The following ADAR variants were observed in gnomAD, a reference collection of about 807,000 sequenced individuals.
ADAR encodes double-stranded RNA-specific adenosine deaminase.
A neutral mutation model predicts 113.2 loss-of-function variants in ADAR; 41 were observed. The observed-to-expected ratio is 0.36, with a 90% CI of 0.28 to 0.47. ADAR has a LOEUF of 0.47. ADAR is among the 20% of genes least tolerant of loss of function. The pLI, the probability that ADAR is intolerant of heterozygous loss-of-function variation, is 1.00. For missense variants in ADAR, 1,242 were observed against 1,540.9 expected, an observed-to-expected ratio of 0.81 and a Z score of 3.25; for synonymous variants, 605 against 572.6, an observed-to-expected ratio of 1.06 and a Z score of -0.81.
At chr1:154,596,711 T>C in intron 6 of ADAR, 94 bp downstream of exon 6, 1 of 1,464,910 alleles carries the variant, frequency 6.8e-7, no homozygotes, top group East Asian at 2.3e-5. Flanking sequence ...TCGCCCCTTC[T>C]GTCCTACACA....
Position 154,590,148 on chromosome 1 carries a change from C to T in ADAR, c.2496+36G>A. On this transcript the variant is annotated intron_variant, in intron 7 of 14. Coordinates refer to ENST00000368474, the MANE Select transcript of ADAR (RefSeq NM_001111.5). ...CACTTAGGAGTTAGGAGGACCCCCC[C>T]GCCCCAAAAAAGGCACCAAAAGTAG... The T allele has an allele frequency of 7.7e-6, 7 of 909,956 alleles. 1 individual carries two copies. The highest frequency in any genetic ancestry group is 1.2e-5 in the Non-Finnish European group (7 of 576,022). The allele number at this position is 909,956 out of a possible 1,614,324, so 56.4% of individuals were successfully genotyped here.
chr1:154,623,317 G>T (rs1698843810), intron 1 of ADAR, among the ~76,000 whole-genome samples: 1 of 152,166 alleles, frequency 6.6e-6, no homozygotes, highest in Admixed American at 6.5e-5. Context: ...GGTACAGAAA[G>T]GACGGAGAGC....
At chr1:154,599,811 G>T (rs1347866209) in intron 2 of ADAR, among the ~76,000 whole-genome samples, 2 of 152,234 alleles carry the variant, frequency 1.3e-5, no homozygotes, top group African/African-American at 4.8e-5. Context: ...TGAGGTAAAG[G>T]CTGACTTCAC....
At chr1:154,605,540 C>A (rs1571121723) in intron 1 of ADAR, among the ~76,000 whole-genome samples, 1 of 151,786 alleles carries the variant, frequency 6.6e-6, no homozygotes, top group African/African-American at 2.4e-5. Context: ...ATATTCCCAA[C>A]ACAGTACTGA....
chr1:154,602,563 A>G lies in ADAR; in HGVS notation c.79T>C (p.Tyr27His), dbSNP rs1469191713. 6.2e-7 allele frequency: 1 copy of G among 1,614,206 alleles called. No homozygotes were observed. The highest frequency in any genetic ancestry group is 1.1e-5 in the South Asian group (1 of 91,084). Residue 27 changes from tyrosine to histidine, a missense_variant, in exon 2 of 15, where the codon TAC becomes CAC. Tyr to His is a moderately conservative substitution (Grantham distance 83). This residue lies in a region of ADAR where 462 missense variants were observed against 483.1 expected (regional missense o/e 0.96). Transcript: ENST00000368474. ...GAAGATCCTGGCCCAGGCTGCTGGTACCTGAGCTGTCTGTGCTCATAGCCT... is the reference window on the plus strand; with the variant it reads ...GAAGATCCTGGCCCAGGCTGCTGGTGCCTGAGCTGTCTGTGCTCATAGCCT... ...FQGYEHRQLR[Y>H]QQPGPGSSPS...
chr1:154,585,437 G>A (rs1035473459), intron 13 of ADAR, 93 bp from the exon 14 acceptor site: 28 of 1,575,818 alleles, frequency 1.8e-5, no homozygotes, highest in Non-Finnish European at 2.3e-5. Flanking sequence ...GAGAGGAAGT[G>A]TGGGGTCATG....
In ADAR at chr1:154,596,787, C is replaced by T. The variant is rs991076316; in HGVS notation, c.2270+18G>A. The T allele has an allele frequency of 1.1e-5, 18 of 1,612,246 alleles. No individual in the cohort carries two copies. The highest frequency in any genetic ancestry group is 1.4e-5 in the Non-Finnish European group (17 of 1,179,972). On this transcript the variant is annotated intron_variant, in intron 6 of 14. Coordinates refer to ENST00000368474, the MANE Select transcript of ADAR (RefSeq NM_001111.5). ...CCCAACTGGTGACACATGCATTAGC[C>T]AGGACTAGGACACTCACTTGGGCTC...
rs1696458567 is a variant in ADAR at position 154,582,368 on chromosome 1, A to G, written c.*2438T>C. The stretch of plus-strand genomic sequence containing the variant: ...ACAAATCAACTACAAAAATCATTAA[A>G]AAGAAGAGTAGGGAGGGTCACTGCT... On this transcript the variant is annotated 3_prime_UTR_variant, in exon 15 of 15. Coordinates refer to ENST00000368474, the MANE Select transcript of ADAR (RefSeq NM_001111.5). The G allele has an allele frequency of 6.6e-6, 1 of 152,238 alleles. No homozygotes were observed. The highest frequency in any genetic ancestry group is 1.5e-5 in the Non-Finnish European group (1 of 68,046). 9.4% of individuals were successfully genotyped at this position (152,238 alleles called of 1,614,324 possible).
rs1696613206 is a variant in ADAR at position 154,584,474 on chromosome 1, A to T, written c.*332T>A. ...AGTGTAGCAAACACAAAGGGAAAGGAAATGGAAACAAATCAAAACAAAACT... is the reference window on the plus strand; with the variant it reads ...AGTGTAGCAAACACAAAGGGAAAGGTAATGGAAACAAATCAAAACAAAACT... On this transcript the variant is annotated 3_prime_UTR_variant, in exon 15 of 15. Transcript: ENST00000368474. The T allele has an allele frequency of 6.5e-6, 2 of 309,428 alleles. No homozygotes were observed. The highest frequency in any genetic ancestry group is 1.2e-5 in the Non-Finnish European group (2 of 165,648). 19.2% of individuals were successfully genotyped at this position (309,428 alleles called of 1,614,324 possible).
rs1050568963 is a variant in ADAR, at chr1:154,601,418, T to C, written c.1224A>G (p.Lys408=). ...NASNNMVTTE[K]VENGQEPVIK... is the part of the protein sequence containing the mutation. ...TGACAGGTTCCTGCCCATTCTCCAC[T>C]TTTTCTGTGGTTACCATGTTATTTG... The change falls in exon 2 of 15, where the codon AAA becomes AAG. Residue 408 remains lysine, a synonymous_variant. Transcript: ENST00000368474. This position sits in a 1 kb window ranked among gnomAD's most constrained non-coding sequence, Gnocchi z 4.7. 1 of 1,614,230 alleles carries C rather than the reference T, an allele frequency of 6.2e-7. No individual in the cohort carries two copies. Among genetic ancestry groups the C allele is most frequent in the Non-Finnish European group, 8.5e-7 (1 of 1,180,044 alleles).
chr1:154,611,079 T>G (rs1698472909), upstream of ADAR, among the ~76,000 whole-genome samples: 1 of 152,198 alleles, frequency 6.6e-6, no homozygotes, highest in Non-Finnish European at 1.5e-5. Context: ...GCTGTTGCAA[T>G]TCCAGTCCAC....
chr1:154,590,965 A>G (rs962322276), intron 6 of ADAR, among the ~76,000 whole-genome samples: 4 of 151,992 alleles, frequency 2.6e-5, no homozygotes, highest in African/African-American at 9.7e-5. Flanking sequence ...TAAAATAAAC[A>G]AACAGACTCT....
chr1:154,608,839 A>AGGGG (rs1698378812), upstream of ADAR: 1 of 91,264 alleles, frequency 1.1e-5, no homozygotes, highest in Non-Finnish European at 2.3e-5. Flanking sequence ...GGGGGGGGGG[A>AGGGG]GGGGATGGGC....
chr1:154,626,434 C>T (rs1188351947), intron 1 of ADAR, among the ~76,000 whole-genome samples: 2 of 152,180 alleles, frequency 1.3e-5, no homozygotes, highest in African/African-American at 4.8e-5. Context: ...ATCTTCACCT[C>T]TTTGCAGTTC....
chr1:154,593,149 A>AAAC (rs1459561097), intron 6 of ADAR, among the ~76,000 whole-genome samples: 1 of 151,092 alleles, frequency 6.6e-6, no homozygotes, highest in East Asian at 1.9e-4. Flanking sequence ...AAAAAAAAAA[A>AAAC]AAAAAAACAG....
intron 6 of ADAR, among the ~76,000 whole-genome samples, 198 bp from the exon 7 acceptor site, chr1:154,590,607 T>C (rs760607962): frequency 7.0e-4 from 107 of 152,100 alleles, no homozygotes; most frequent in Non-Finnish European, 1.3e-3. Context: ...CAGGTATTAC[T>C]TGGACTATTA....
upstream of ADAR, chr1:154,627,985 A>G (rs1213862123): frequency 2.0e-6 from 1 of 510,806 alleles, no homozygotes. Flanking sequence ...CTGGTCGCAG[A>G]TTGGTGACAT....
Position 154,597,827 on chromosome 1 carries a change from C to G in ADAR, c.1934+1G>C. On this transcript the variant is annotated splice_donor_variant, in intron 4 of 14. Transcript: ENST00000368474. LOFTEE classifies it high-confidence loss of function. ...CTGGACAGAGGACACGTAGGACATA[C>G]TTGGGTTCATGGGCAGGGCCTTCTT... 1 of 1,614,070 alleles carries G rather than the reference C, an allele frequency of 6.2e-7. No homozygotes were observed.
At position 154,602,606 on chromosome 1, in the gene ADAR, G is replaced by T; in HGVS notation, c.36C>A (p.Tyr12Ter). 6.2e-7 allele frequency: 1 copy of T among 1,614,098 alleles called. No individual in the cohort carries two copies. The highest frequency in any genetic ancestry group is 1.7e-4 in the Middle Eastern group (1 of 6,012). Residue 12 changes from tyrosine (Y) to a stop codon, truncating the protein, a stop_gained, in exon 2 of 15, where the codon TAC (tyrosine) becomes TAA (stop). Coordinates refer to ENST00000368474, the MANE Select transcript of ADAR (RefSeq NM_001111.5). LOFTEE classifies it high-confidence loss of function. ...CATAGCCTTGAAATGGATGGGTGTAGTATCCGCTGAGGGAATACCCCTGCA... is the reference window on the plus strand; with the variant it reads ...CATAGCCTTGAAATGGATGGGTGTATTATCCGCTGAGGGAATACCCCTGCA... ...NPRQGYSLSGYYTHPFQGYEH... is the reference protein window; with the variant it reads ...NPRQGYSLSG
Sources: gnomAD v4.1 joint callset for allele counts (sites outside exome capture counted in the v4.1 genomes callset) on GRCh38, gnomAD v4.1.1 for gene constraint, gnomAD v4.1.1 regional missense constraint, Gnocchi (gnomAD v3.1) non-coding constraint, MANE v1.5 for transcripts, NCBI Gene and HGNC (gene_info 2026-07-23, HGNC 2026-07-21) for gene names.